The following VASP variants were observed in gnomAD, a reference collection of about 807,000 sequenced individuals.
The protein encoded by VASP is vasodilator stimulated phosphoprotein, also known as vasodilator-stimulated phosphoprotein.
In VASP, 27 loss-of-function variants were observed where a neutral mutation model predicts 54.4. The ratio of observed to expected loss-of-function variants is 0.50; its 90% CI spans 0.37 to 0.68. VASP has a LOEUF of 0.68. VASP is among the 30% of genes least tolerant of loss of function. VASP has a pLI of 0.00. For missense variants in VASP, 488 were observed against 528.3 expected (o/e 0.92, Z 0.75); for synonymous variants, 233 against 209.8 (o/e 1.11, Z -0.96).
chr19:45,518,433 G>T (rs567385926), intron 3 of VASP, among the ~76,000 whole-genome samples: 1 of 152,062 alleles, frequency 6.6e-6, no homozygotes, highest in Non-Finnish European at 1.5e-5. Context: ...GTGGTGGTGC[G>T]CGCCTGTAAT....
chr19:45,524,911 C>CA (rs1375666637), intron 11 of VASP: 1 of 396,412 alleles, frequency 2.5e-6, no homozygotes, highest in Non-Finnish European at 4.8e-6. Context: ...CACATTGACC[C>CA]AGCTGTCCAT....
intron 11 of VASP, 26 bp downstream of exon 11, chr19:45,524,686 C>T (rs752471283): frequency 9.3e-6 from 15 of 1,607,132 alleles, no homozygotes; most frequent in African/African-American, 6.7e-5. Flanking sequence ...AGTTGGGGAC[C>T]ACAGCAAGAG....
intron 1 of VASP, among the ~76,000 whole-genome samples, chr19:45,512,576 C>T (rs1392653432): frequency 6.6e-6 from 1 of 151,004 alleles, no homozygotes; most frequent in Non-Finnish European, 1.5e-5. Flanking sequence ...GCTTGAGCCA[C>T]TGCGCCTAGC....
At chr19:45,523,190 ATTTTTTTTTTTTTTTTT>A (rs61288703) in intron 7 of VASP, among the ~76,000 whole-genome samples, 1 of 74,700 alleles carries the variant, frequency 1.3e-5, no homozygotes, top group Non-Finnish European at 2.4e-5. Flanking sequence ...AATCTCTTGA[ATTTTTTTTTTTTTTTTT>A]TTTTTTTTTT....
At position 45,517,682 on chromosome 19, in the gene VASP, A is replaced by T; in HGVS notation, c.25A>T (p.Ser9Cys). MSETVICSSRATVMLYDDG... is the reference protein window; with the variant it reads MSETVICSCRATVMLYDDG... ...CTGCAGCGAGACGGTCATCTGTTCC[A>T]GCCGGGCCACTGTGATGCTTTATGA... The change falls in exon 2 of 13, where the codon AGC becomes TGC. Residue 9 changes from serine to cysteine, a missense_variant. Coordinates refer to ENST00000245932, the MANE Select transcript of VASP (RefSeq NM_003370.4). The T allele has an allele frequency of 6.2e-7, 1 of 1,610,190 alleles. No individual in the cohort carries two copies. Among genetic ancestry groups the T allele is most frequent in the Non-Finnish European group, 8.5e-7 (1 of 1,179,972 alleles).
At chr19:45,508,399 T>C (rs1374240492) in intron 1 of VASP, among the ~76,000 whole-genome samples, 2 of 152,018 alleles carry the variant, frequency 1.3e-5, no homozygotes, top group Admixed American at 6.5e-5. Context: ...CAGAGTCTGG[T>C]GGGACCCCCC....
intron 1 of VASP, among the ~76,000 whole-genome samples, chr19:45,510,932 CA>C (rs750711575): frequency 0.015 from 1,602 of 108,890 alleles, 7 homozygotes; most frequent in Middle Eastern, 0.027. Context: ...GACCCTGTCT[CA>C]AAAAAAAAAA....
chr19:45,517,526 C>T (rs1555728263), intron 1 of VASP, 137 bp from the exon 2 acceptor site: 2 of 1,053,322 alleles, frequency 1.9e-6, no homozygotes, highest in South Asian at 3.1e-5. Context: ...TCCCCCGTCT[C>T]CTTCTGTCCA....
intron 3 of VASP, among the ~76,000 whole-genome samples, chr19:45,520,163 G>C (rs559818541): frequency 3.0e-4 from 45 of 152,124 alleles, no homozygotes; most frequent in Non-Finnish European, 4.7e-4. Flanking sequence ...CGGCCTCCCA[G>C]AGTGCTGAGA....
At chr19:45,508,977 C>T (rs936880017) in intron 1 of VASP, among the ~76,000 whole-genome samples, 3 of 152,148 alleles carry the variant, frequency 2.0e-5, no homozygotes, top group African/African-American at 7.2e-5. Flanking sequence ...CAGAGCCTGA[C>T]AATACTATCT....
At chr19:45,509,945 G>C (rs944162563) in intron 1 of VASP, among the ~76,000 whole-genome samples, 2 of 152,160 alleles carry the variant, frequency 1.3e-5, no homozygotes, top group African/African-American at 4.8e-5. Context: ...TGTTAAGATG[G>C]AAAATTACAA....
Position 45,518,015 on chromosome 19 carries a change from C to T in VASP, c.264C>T (p.Val88=). The change falls in exon 3 of 13, where the codon GTC becomes GTT. Residue 88 remains valine, a synonymous_variant. Coordinates refer to ENST00000245932, the MANE Select transcript of VASP (RefSeq NM_003370.4). ...NFHQWRDARQ[V]WGLNFGSKED... is the part of the protein sequence containing the mutation. ...ATCAGTGGCGCGACGCTCGCCAGGT[C>T]TGGGGCCTCAACTTCGGCAGCAAGG... is the stretch of plus-strand genomic sequence containing the variant. 6.2e-7 allele frequency: 1 copy of T among 1,613,992 alleles called. No homozygotes were observed. The highest frequency in any genetic ancestry group is 1.7e-5 in the Admixed American group (1 of 60,022).
intron 1 of VASP, among the ~76,000 whole-genome samples, chr19:45,515,616 G>A (rs1286377973): frequency 3.3e-5 from 5 of 151,928 alleles, no homozygotes; most frequent in Admixed American, 6.6e-5. Flanking sequence ...AGCTCACTGC[G>A]GCCTCCACCT....
At chr19:45,519,186 T>C (rs1359835619) in intron 3 of VASP, among the ~76,000 whole-genome samples, 1 of 152,122 alleles carries the variant, frequency 6.6e-6, no homozygotes, top group African/African-American at 2.4e-5. Context: ...GGGTAATTTT[T>C]TGTATCTTTA....
intron 3 of VASP, among the ~76,000 whole-genome samples, chr19:45,519,293 C>A (rs1302343807): frequency 6.6e-6 from 1 of 152,104 alleles, no homozygotes; most frequent in African/African-American, 2.4e-5. Flanking sequence ...GGATTACAGG[C>A]ATGAGACACC....
chr19:45,510,514 C>T (rs972497130), intron 1 of VASP, among the ~76,000 whole-genome samples: 22 of 152,170 alleles, frequency 1.4e-4, no homozygotes, highest in Non-Finnish European at 2.9e-4. Context: ...ACGTCAGCCA[C>T]CACACCTGGC....
Position 45,507,856 on chromosome 19 carries a change from G to A in VASP, c.5+80G>A. On this transcript the variant is annotated intron_variant, in intron 1 of 12. Transcript: ENST00000245932. This position sits in a 1 kb window ranked among gnomAD's most constrained non-coding sequence, Gnocchi z 4.4. ...CCTTTGTCCCCCTCCCCCCCAGCTA[G>A]CTCCGGGCTGGAATTTGGGGACAGA... 1.1e-6 allele frequency: 1 copy of A among 909,806 alleles called. No homozygotes were observed. Among genetic ancestry groups the A allele is most frequent in the Non-Finnish European group, 1.5e-6 (1 of 660,398 alleles). 56.4% of individuals were successfully genotyped at this position (909,806 alleles called of 1,614,324 possible).
In VASP at chr19:45,510,968, G is replaced by A. The variant is rs539631164; in HGVS notation, c.5+3192G>A. On this transcript the variant is annotated intron_variant, in intron 1 of 12. Coordinates refer to ENST00000245932, the MANE Select transcript of VASP (RefSeq NM_003370.4). ...AAAAAATAGAGATAACATGCTTTCC[G>A]TGTTCTTAATGAAGAAAAAGAAAAA... is the stretch of plus-strand genomic sequence containing the variant. Among the ~76,000 whole-genome samples the A allele has an allele frequency of 3.3e-5, 5 of 149,484 alleles. No individual in the cohort carries two copies. In the East Asian group the frequency reaches 7.8e-4, roughly 23 times the overall value.
intron 1 of VASP, among the ~76,000 whole-genome samples, chr19:45,512,349 C>T (rs540281128): frequency 6.6e-6 from 1 of 150,736 alleles, no homozygotes; most frequent in African/African-American, 2.4e-5. Context: ...AGTGCAGTGG[C>T]GCGATCTCAG....
Sources: gnomAD v4.1 joint callset for allele counts (sites outside exome capture counted in the v4.1 genomes callset) on GRCh38, gnomAD v4.1.1 for gene constraint, Gnocchi (gnomAD v3.1) non-coding constraint, MANE v1.5 for transcripts, NCBI Gene and HGNC (gene_info 2026-07-23, HGNC 2026-07-21) for gene names.